The following CYP2C18 variants were observed in gnomAD, a reference collection of about 807,000 sequenced individuals.
The protein encoded by CYP2C18 is cytochrome P450 2C18.
Under a neutral mutation model 41.3 loss-of-function variants are expected in CYP2C18, and 38 were observed. That is an observed-to-expected ratio of 0.92 (90% CI 0.71 to 1.21). The LOEUF (loss-of-function observed/expected upper bound fraction) is 1.21, where lower values mean the gene tolerates loss of function less well. Ranked by LOEUF, CYP2C18 falls within the 50% of genes most tolerant of loss-of-function variation. The pLI is 0.00. For synonymous variants in CYP2C18, 236 were observed against 210.0 expected, an observed-to-expected ratio of 1.12 and a Z score of -1.07; for missense variants, 635 against 591.4, an observed-to-expected ratio of 1.07 and a Z score of -0.77.
chr10:94,725,139 G>A (rs1847717761), intron 7 of CYP2C18, among the ~76,000 whole-genome samples: 1 of 149,376 alleles, frequency 6.7e-6, no homozygotes, highest in African/African-American at 2.4e-5. Flanking sequence ...TCAAAACAGA[G>A]TCTTGCTATG....
At position 94,724,475 on chromosome 10, in the gene CYP2C18, C is replaced by T. The variant is rs1847702304; in HGVS notation, c.1091C>T (p.Thr364Ile). 2 of 1,613,532 alleles carry T rather than the reference C, an allele frequency of 1.2e-6. No homozygotes were observed. The highest frequency in any genetic ancestry group is 2.7e-5 in the African/African-American group (2 of 74,866). Residue 364 changes from threonine (T) to isoleucine (I), a missense_variant, in exon 7 of 9, where the codon ACC (threonine) becomes ATC (isoleucine). Transcript: ENST00000285979. ...EIQRYIDLLP[T>I]NLPHAVTCDV... ...CAGAGATACATTGACCTCCTCCCCA[C>T]CAACCTGCCCCATGCAGTGACCTGT... is the stretch of plus-strand genomic sequence containing the variant.
chr10:94,707,093 C>A (rs1289859267), intron 5 of CYP2C18, 133 bp downstream of exon 5: 4 of 561,022 alleles, frequency 7.1e-6, no homozygotes, highest in South Asian at 3.2e-5. Flanking sequence ...GGATGAAGCA[C>A]CATGGAGAAT....
intron 4 of CYP2C18, among the ~76,000 whole-genome samples, chr10:94,698,760 G>A (rs1847173336): frequency 2.6e-5 from 4 of 151,296 alleles, no homozygotes; most frequent in African/African-American, 7.3e-5. Flanking sequence ...GAAAAGAGAA[G>A]AATCAGTTAG....
intron 6 of CYP2C18, 94 bp downstream of exon 6, chr10:94,720,631 T>G: frequency 7.9e-7 from 1 of 1,260,458 alleles, no homozygotes; most frequent in Non-Finnish European, 1.1e-6. Flanking sequence ...TTAGAGAAGC[T>G]TCATTATTGA....
Position 94,706,890 on chromosome 10 carries a change from A to T in CYP2C18, c.749A>T (p.Glu250Val), listed in dbSNP as rs761915839. Residue 250 changes from glutamate (E) to valine (V), a missense_variant, in exon 5 of 9, where the codon GAA (glutamate) becomes GTA (valine). Glu to Val is a moderately radical substitution (Grantham distance 121, BLOSUM62 -2). Coordinates refer to ENST00000285979, the MANE Select transcript of CYP2C18 (RefSeq NM_000772.3). ...IKSYVLERIK[E>V]HQESLDMNSA... is the part of the protein sequence containing the mutation. Reference sequence around the variant, plus strand: ...AGTTATGTATTGGAGAGAATAAAAGAACATCAAGAATCCCTGGACATGAAC... The same window carrying T: ...AGTTATGTATTGGAGAGAATAAAAGTACATCAAGAATCCCTGGACATGAAC... 1 of 1,612,926 alleles carries T rather than the reference A, an allele frequency of 6.2e-7. No individual in the cohort carries two copies. The highest frequency in any genetic ancestry group is 1.1e-5 in the South Asian group (1 of 90,972).
At chr10:94,706,384 G>A (rs1412289067) in intron 4 of CYP2C18, among the ~76,000 whole-genome samples, 1 of 152,124 alleles carries the variant, frequency 6.6e-6, no homozygotes, top group Non-Finnish European at 1.5e-5. Flanking sequence ...AGTAGAAATA[G>A]CAGGGAATGG....
intron 3 of CYP2C18, among the ~76,000 whole-genome samples, chr10:94,688,926 T>C (rs937993292): frequency 2.0e-5 from 3 of 152,180 alleles, no homozygotes; most frequent in Non-Finnish European, 4.4e-5. Flanking sequence ...ACAACTGACA[T>C]GTACTTTCAT....
At chr10:94,698,663 A>T (rs1166833164) in intron 4 of CYP2C18, among the ~76,000 whole-genome samples, 1 of 147,846 alleles carries the variant, frequency 6.8e-6, no homozygotes, top group Non-Finnish European at 1.5e-5. Context: ...AGATGCAAAA[A>T]ACCCTTCAAA....
intron 1 of CYP2C18, among the ~76,000 whole-genome samples, chr10:94,685,793 T>C (rs1465107123): frequency 1.3e-5 from 2 of 152,220 alleles, no homozygotes; most frequent in Non-Finnish European, 2.9e-5. Context: ...TTGCTTACTA[T>C]AGCTTTGTAA....
At chr10:94,707,588 A>G (rs1297400237) in intron 5 of CYP2C18, among the ~76,000 whole-genome samples, 3 of 152,176 alleles carry the variant, frequency 2.0e-5, no homozygotes, top group Non-Finnish European at 4.4e-5. Flanking sequence ...TGGGATGCGT[A>G]TAATTATTAG....
At chr10:94,715,470 A>G (rs904162508) in intron 5 of CYP2C18, among the ~76,000 whole-genome samples, 1 of 152,160 alleles carries the variant, frequency 6.6e-6, no homozygotes, top group East Asian at 1.9e-4. Flanking sequence ...TTCTGTTTAT[A>G]TGCTGGATTA....
At chr10:94,709,906 C>T (rs568350681) in intron 5 of CYP2C18, among the ~76,000 whole-genome samples, 60 of 152,232 alleles carry the variant, frequency 3.9e-4, no homozygotes, top group African/African-American at 1.3e-3. Flanking sequence ...CAGTTGACTA[C>T]AAACACGAGG....
At chr10:94,732,589 G>T (rs1847851900) in intron 7 of CYP2C18, among the ~76,000 whole-genome samples, 1 of 152,034 alleles carries the variant, frequency 6.6e-6, no homozygotes, top group Non-Finnish European at 1.5e-5. Context: ...CATCCACAGT[G>T]GACTGGATAA....
intron 3 of CYP2C18, among the ~76,000 whole-genome samples, chr10:94,688,704 G>T (rs149756523): frequency 2.6e-5 from 4 of 152,132 alleles, no homozygotes; most frequent in Admixed American, 6.6e-5. Flanking sequence ...AGTATAAAAG[G>T]CTCATTTAAT....
chr10:94,691,748 G>A (rs1468180853), intron 3 of CYP2C18, among the ~76,000 whole-genome samples: 1 of 152,180 alleles, frequency 6.6e-6, no homozygotes, highest in African/African-American at 2.4e-5. Flanking sequence ...AAAGCTGGAG[G>A]CATCACACCA....
chr10:94,703,917 C>G (rs1018609158), intron 4 of CYP2C18, among the ~76,000 whole-genome samples: 1 of 152,150 alleles, frequency 6.6e-6, no homozygotes, highest in Non-Finnish European at 1.5e-5. Flanking sequence ...TTGCGAAGAC[C>G]GTGGGAAAAT....
At chr10:94,714,332 T>C (rs1375659043) in intron 5 of CYP2C18, among the ~76,000 whole-genome samples, 3 of 152,228 alleles carry the variant, frequency 2.0e-5, no homozygotes, top group African/African-American at 7.2e-5. Flanking sequence ...ATGTCTTTAA[T>C]CCATGTTGAA....
chr10:94,727,385 T>C (rs956939064), intron 7 of CYP2C18, among the ~76,000 whole-genome samples: 1 of 152,090 alleles, frequency 6.6e-6, no homozygotes, highest in Admixed American at 6.6e-5. Context: ...GAGGCCAAAG[T>C]GGAAGGATCA....
At chr10:94,692,331 A>C (rs890170925) in intron 3 of CYP2C18, among the ~76,000 whole-genome samples, 25 of 152,324 alleles carry the variant, frequency 1.6e-4, no homozygotes, top group African/African-American at 5.8e-4. Context: ...TTACAAGAAA[A>C]AAAAAAGATC....
Sources: allele counts gnomAD v4.1 joint callset (sites outside exome capture counted in the v4.1 genomes callset), GRCh38; gene constraint gnomAD v4.1.1; transcripts MANE v1.5; gene names NCBI Gene and HGNC (gene_info 2026-07-23, HGNC 2026-07-21).